The following COG8 variants were observed in gnomAD, a reference collection of about 807,000 sequenced individuals.
The protein encoded by COG8 is component of oligomeric golgi complex 8, also known as conserved oligomeric Golgi complex subunit 8.
COG8 carries 45 observed loss-of-function variants against 46.5 expected under a neutral mutation model. That is an observed-to-expected ratio of 0.97 (90% CI 0.76 to 1.24). The LOEUF (loss-of-function observed/expected upper bound fraction) is 1.24. Ranked by LOEUF, COG8 falls within the 50% of genes most tolerant of loss-of-function variation. The pLI is 0.00. For synonymous variants in COG8, 407 were observed against 347.8 expected (o/e 1.17, Z -1.90); for missense variants, 793 against 820.8 (o/e 0.97, Z 0.41).
rs2011670828 is a variant in COG8, at chr16:69,330,148, C to T, written c.*26+665G>A. 2.6e-6 allele frequency: 4 copies of T among 1,549,674 alleles called. No individual in the cohort carries two copies. In the African/African-American group the frequency reaches 4.3e-5, roughly 17 times the overall value. The stretch of plus-strand genomic sequence containing the variant: ...GGGGGAAGGGCTCCATTTGGCGGAG[C>T]GCGCGCTGGCGGGGCGGGCACTCCC... On this transcript the variant is annotated intron_variant, in intron 5 of 5. Coordinates refer to ENST00000306875, the MANE Select transcript of COG8 (RefSeq NM_032382.5).
intron 2 of COG8, among the ~76,000 whole-genome samples, chr16:69,335,991 T>A (rs983721392): frequency 6.6e-6 from 1 of 152,164 alleles, no homozygotes; most frequent in African/African-American, 2.4e-5. Flanking sequence ...GCTGCCTCTG[T>A]ATCCCTTAAA....
At chr16:69,339,043 G>C in intron 1 of COG8, 133 bp downstream of exon 1, 1 of 1,281,836 alleles carries the variant, frequency 7.8e-7, no homozygotes, top group Non-Finnish European at 1.1e-6. Flanking sequence ...CTGTTGTGAG[G>C]TTTAAATGGA....
rs2012142528 is a variant in COG8, at chr16:69,335,260, C to A, written c.674G>T (p.Cys225Phe). The A allele has an allele frequency of 6.2e-7, 1 of 1,613,598 alleles. No individual in the cohort carries two copies. Among genetic ancestry groups the A allele is most frequent in the African/African-American group, 1.3e-5 (1 of 74,912 alleles). ...CCGCAGGTAGCCAATGACACGGAGG[C>A]AGGCAGGAAGCTGGATGTTGGTCCT... Reference protein sequence around the residue: ...QLRTNIQLPACLRVIGYLRRM... With the variant: ...QLRTNIQLPAFLRVIGYLRRM... Residue 225 changes from cysteine (C) to phenylalanine (F), a missense_variant, in exon 3 of 6, where the codon TGC becomes TTC. Transcript: ENST00000306875.
At chr16:69,339,107 G>A in intron 1 of COG8, 69 bp downstream of exon 1, 2 of 1,607,668 alleles carry the variant, frequency 1.2e-6, no homozygotes, top group Non-Finnish European at 8.5e-7. Flanking sequence ...TTATGTGTTA[G>A]TTATTTCTAC....
chr16:69,330,408 G>A lies in COG8; in HGVS notation c.*26+405C>T, dbSNP rs1018502478. 2.0e-6 allele frequency: 3 copies of A among 1,478,424 alleles called. No individual in the cohort carries two copies. In the African/African-American group the frequency reaches 4.4e-5, roughly 22 times the overall value. 91.6% of individuals were successfully genotyped at this position (1,478,424 alleles called of 1,614,324 possible). ...GGCGGTTCGGGAGGACCCAGCACCAGACGCCTCAGGTGGCGCCAATAGGAG... is the reference window on the plus strand; with the variant it reads ...GGCGGTTCGGGAGGACCCAGCACCAAACGCCTCAGGTGGCGCCAATAGGAG... On this transcript the variant is annotated intron_variant, in intron 5 of 5. Transcript: ENST00000306875.
intron 1 of COG8, 114 bp from the exon 2 acceptor site, chr16:69,336,826 T>G: frequency 1.1e-6 from 1 of 922,784 alleles, no homozygotes; most frequent in South Asian, 1.4e-5. Context: ...GATTTATTCC[T>G]CACACCCCAC....
Position 69,334,586 on chromosome 16 carries a change from G to A in COG8, c.1348C>T (p.Arg450Cys), listed in dbSNP as rs776576528. The change falls in exon 3 of 6, where the codon CGC becomes TGC. Residue 450 changes from arginine to cysteine, a missense_variant. Physicochemically the swap from Arg to Cys is radical, Grantham distance 180. Coordinates refer to ENST00000306875, the MANE Select transcript of COG8 (RefSeq NM_032382.5). ...GCCAGGGCCACAGGGCAGCAGAGGC[G>A]CAGATCATTGAAGGCAACCAGAATA... ...NNILVAFNDLRLCCPVALAQD... is the reference protein window; with the variant it reads ...NNILVAFNDLCLCCPVALAQD... 33 of 1,614,080 alleles carry A rather than the reference G, an allele frequency of 2.0e-5. No individual in the cohort carries two copies. Among genetic ancestry groups the A allele is most frequent in the Admixed American group, 1.0e-4 (6 of 60,012 alleles).
At chr16:69,330,198 G>A (rs1156700139) in intron 5 of COG8, 3 of 1,461,652 alleles carry the variant, frequency 2.1e-6, no homozygotes, top group South Asian at 2.8e-5. Context: ...GGGAGCTCCA[G>A]CGCCAGCACC....
intron 1 of COG8, among the ~76,000 whole-genome samples, chr16:69,337,321 A>G (rs558425549): frequency 3.9e-5 from 6 of 152,194 alleles, no homozygotes; most frequent in Non-Finnish European, 8.8e-5. Context: ...CCTCCTCATA[A>G]GGGTGTAAGA....
rs1467374408 is a variant in COG8 at position 69,328,288 on chromosome 16, A to C, written c.*918T>G. On this transcript the variant is annotated 3_prime_UTR_variant, in exon 6 of 6. Coordinates refer to ENST00000306875, the MANE Select transcript of COG8 (RefSeq NM_032382.5). ...CATTGGTTGCTGTGATATTAATTCT[A>C]TTTTTACAAAATAAGTGTATAACCA... 6.6e-6 allele frequency: 1 copy of C among 152,024 alleles called. No homozygotes were observed. The highest frequency in any genetic ancestry group is 1.9e-4 in the East Asian group (1 of 5,200). The allele number at this position is 152,024 out of a possible 1,614,324, so 9.4% of individuals were successfully genotyped here. A position where few individuals can be genotyped will look rare whatever the true frequency, so the allele number is the denominator to read the frequency against.
At chr16:69,330,019 G>A in intron 5 of COG8, 1 of 1,541,176 alleles carries the variant, frequency 6.5e-7, no homozygotes, top group South Asian at 1.2e-5. Context: ...CCGCCTGGAA[G>A]CGGGGCACGC....
chr16:69,329,188 G>A lies in COG8; in HGVS notation c.*27-9C>T, dbSNP rs774027266. ...TCCATTGGGGTCCAGCCCTGCAAAG[G>A]AAGTTACAGCCCTGGTGAGTGGGAA... On this transcript the variant is annotated splice_polypyrimidine_tract_variant and intron_variant, in intron 5 of 5. Coordinates refer to ENST00000306875, the MANE Select transcript of COG8 (RefSeq NM_032382.5). 21 of 1,585,680 alleles carry A rather than the reference G, an allele frequency of 1.3e-5. No homozygotes were observed. Among genetic ancestry groups the A allele is most frequent in the Middle Eastern group, 1.7e-4 (1 of 5,798 alleles).
chr16:69,330,689 G>C (rs1461602230), intron 5 of COG8, 124 bp downstream of exon 5: 11 of 1,395,476 alleles, frequency 7.9e-6, no homozygotes, highest in Non-Finnish European at 1.0e-5. Flanking sequence ...TTCCTGCTTA[G>C]ACTGGCAGTG....
In COG8 at chr16:69,326,788, T is replaced by C. The variant is rs1427457266; in HGVS notation, c.*2418A>G. 2 of 152,270 alleles carry C rather than the reference T, an allele frequency of 1.3e-5. No homozygotes were observed. Among genetic ancestry groups the C allele is most frequent in the Non-Finnish European group, 2.9e-5 (2 of 68,046 alleles). The allele number at this position is 152,270 out of a possible 1,614,324, so 9.4% of individuals were successfully genotyped here. ...TGCCTGGGGATTCTGTTATAAACCT[T>C]CTGCCTACATTGGCTTTCACTGTGG... On this transcript the variant is annotated 3_prime_UTR_variant, in exon 6 of 6. Transcript: ENST00000306875.
chr16:69,330,750 A>C, intron 5 of COG8, 63 bp downstream of exon 5: 1 of 1,435,482 alleles, frequency 7.0e-7, no homozygotes, highest in Non-Finnish European at 9.1e-7. Context: ...CGCCTCCCGA[A>C]CCCGCCCCGG....
chr16:69,330,050 C>G (rs2011653797), intron 5 of COG8: 4 of 1,552,430 alleles, frequency 2.6e-6, no homozygotes, highest in Non-Finnish European at 2.6e-6. Context: ...GCCGGCGACG[C>G]TCTCGCAGCC....
At chr16:69,329,838 A>G (rs1033285676) in intron 5 of COG8, among the ~76,000 whole-genome samples, 1 of 152,214 alleles carries the variant, frequency 6.6e-6, no homozygotes, top group African/African-American at 2.4e-5. Flanking sequence ...TCTACCCCAC[A>G]GGAGCTTCTA....
chr16:69,333,294 G>T (rs1445460712), intron 3 of COG8, among the ~76,000 whole-genome samples: 1 of 151,386 alleles, frequency 6.6e-6, no homozygotes, highest in Non-Finnish European at 1.5e-5. Context: ...AGCCTCCCAA[G>T]TAGCTGGGAC....
chr16:69,330,540 A>T, intron 5 of COG8: 2 of 1,476,680 alleles, frequency 1.4e-6, no homozygotes, highest in Admixed American at 4.8e-5. Flanking sequence ...CACAGTGGCC[A>T]AAGACTCAGC....
Sources: gnomAD v4.1 joint callset for allele counts (sites outside exome capture counted in the v4.1 genomes callset) on GRCh38, gnomAD v4.1.1 for gene constraint, MANE v1.5 for transcripts, NCBI Gene and HGNC (gene_info 2026-07-23, HGNC 2026-07-21) for gene names.